LARGE1: variants seen among roughly 807,000 people sequenced by gnomAD.
LARGE1 encodes the protein xylosyl- and glucuronyltransferase LARGE1.
In LARGE1, 43 loss-of-function variants were observed where a neutral mutation model predicts 87.6. The ratio of observed to expected loss-of-function variants is 0.49; its 90% confidence interval spans 0.38 to 0.63. The LOEUF (loss-of-function observed/expected upper bound fraction) is 0.63. Among genes scored for constraint, LARGE1 ranks in the 30% least tolerant of loss-of-function variants. The pLI, the probability that LARGE1 is intolerant of heterozygous loss-of-function variation, is 0.00. For synonymous variants in LARGE1, 434 were observed against 394.6 expected (o/e 1.10, Z -1.18); for missense variants, 802 against 1,000.2 (o/e 0.80, Z 2.67).
chr22:33,251,307 T>G (rs1394818114), intron 11 of LARGE1, among the ~76,000 whole-genome samples: 1 of 152,248 alleles, frequency 6.6e-6, no homozygotes, highest in Non-Finnish European at 1.5e-5. Flanking sequence ...GCTCTTTCTC[T>G]GTGGAGGGAG....
At chr22:33,607,985 C>T (rs959059221) in intron 4 of LARGE1, among the ~76,000 whole-genome samples, 4 of 152,116 alleles carry the variant, frequency 2.6e-5, no homozygotes, top group African/African-American at 9.7e-5. Flanking sequence ...CTTGGTGATG[C>T]TTGGTGGCAT....
chr22:33,494,548 A>C (rs2070010116), intron 6 of LARGE1, among the ~76,000 whole-genome samples: 1 of 152,208 alleles, frequency 6.6e-6, no homozygotes, highest in Admixed American at 6.5e-5. Flanking sequence ...AATTGGTTAG[A>C]TCCATAGCAT....
chr22:33,509,369 T>G lies in LARGE1; in HGVS notation c.787+55479A>C, dbSNP rs79151069. Among the ~76,000 whole-genome samples the G allele has an allele frequency of 3.1e-3, 467 of 152,268 alleles. 4 individuals are homozygous for G. The highest frequency in any genetic ancestry group is 0.019 in the South Asian group (90 of 4,826). On this transcript the variant is annotated intron_variant, in intron 6 of 14. Coordinates refer to ENST00000397394, the MANE Select transcript of LARGE1 (RefSeq NM_133642.5). The stretch of plus-strand genomic sequence containing the variant: ...AATGGAGGCAGTGCAACAAAAACAA[T>G]TGTCTTGGAGGTCCCAAGCACACAT...
In LARGE1 at chr22:33,278,810, C is replaced by T. The variant is rs185929303; in HGVS notation, c.1878-1555G>A. Among the ~76,000 whole-genome samples, 553 of 152,274 alleles carry T rather than the reference C, an allele frequency of 3.6e-3. 5 individuals carry two copies. The highest frequency in any genetic ancestry group is 0.011 in the Admixed American group (161 of 15,302). ...TCTTGGCTCACTGCAACCTCTGCCT[C>T]CCCGGTTCAAGCGATTCTCCTGCCT... is the stretch of plus-strand genomic sequence containing the variant. On this transcript the variant is annotated intron_variant, in intron 13 of 14. Coordinates refer to ENST00000397394, the MANE Select transcript of LARGE1 (RefSeq NM_133642.5).
intron 11 of LARGE1, among the ~76,000 whole-genome samples, chr22:33,255,215 G>T (rs573925286): frequency 6.6e-6 from 1 of 152,320 alleles, no homozygotes; most frequent in Non-Finnish European, 1.5e-5. Context: ...TGGGAATACA[G>T]GCGTGAGCCA....
At chr22:33,337,846 T>C in intron 9 of LARGE1, 45 bp from the exon 10 acceptor site, 1 of 1,601,318 alleles carries the variant, frequency 6.2e-7, no homozygotes, top group Non-Finnish European at 8.5e-7. Flanking sequence ...AGGGGTGGGG[T>C]GGGGATCCCT....
chr22:33,906,054 T>C (rs1041056098), intron 1 of LARGE1, among the ~76,000 whole-genome samples: 6 of 152,080 alleles, frequency 3.9e-5, no homozygotes, highest in Non-Finnish European at 7.4e-5. Flanking sequence ...TGCTTAAACC[T>C]GGGAGGCGGA....
At chr22:33,820,430 T>G (rs1242344330) in intron 1 of LARGE1, among the ~76,000 whole-genome samples, 3 of 151,968 alleles carry the variant, frequency 2.0e-5, no homozygotes, top group African/African-American at 7.3e-5. Context: ...CAACAGATCC[T>G]CCCACCTTAG....
chr22:33,869,707 T>C (rs1426693355), intron 1 of LARGE1, among the ~76,000 whole-genome samples: 1 of 152,190 alleles, frequency 6.6e-6, no homozygotes, highest in African/African-American at 2.4e-5. Flanking sequence ...GAGGTGGTTC[T>C]CCTTTCTCCC....
chr22:33,611,031 G>C (rs891986711), intron 4 of LARGE1, among the ~76,000 whole-genome samples: 4 of 152,232 alleles, frequency 2.6e-5, no homozygotes, highest in Admixed American at 2.6e-4. Flanking sequence ...GCCTCTACCA[G>C]ATTTCAGAGA....
At chr22:33,236,322 G>C (rs1926249890) in intron 11 of LARGE1, among the ~76,000 whole-genome samples, 1 of 152,174 alleles carries the variant, frequency 6.6e-6, no homozygotes, top group Admixed American at 6.5e-5. Flanking sequence ...AATGATGAGA[G>C]ATAGTGGTGC....
intron 2 of LARGE1, among the ~76,000 whole-genome samples, chr22:33,746,175 G>C (rs552913744): frequency 5.8e-4 from 88 of 152,300 alleles, no homozygotes; most frequent in Middle Eastern, 3.4e-3. Context: ...CCGGGAGGCA[G>C]AGCTTGCAGT....
At chr22:33,195,902 C>T (rs150775331) in intron 11 of LARGE1, among the ~76,000 whole-genome samples, 4,553 of 151,390 alleles carry the variant, frequency 0.03, 95 homozygotes, top group Admixed American at 0.056. Flanking sequence ...CTACAGGCGC[C>T]CGCCACCACG....
At chr22:33,903,255 G>A (rs2065336874) in intron 1 of LARGE1, among the ~76,000 whole-genome samples, 1 of 152,198 alleles carries the variant, frequency 6.6e-6, no homozygotes, top group Non-Finnish European at 1.5e-5. Flanking sequence ...GAGACCATAT[G>A]AAAACAGCAG....
At chr22:33,583,330 C>T (rs2078575714) in intron 5 of LARGE1, among the ~76,000 whole-genome samples, 1 of 152,210 alleles carries the variant, frequency 6.6e-6, no homozygotes, top group Non-Finnish European at 1.5e-5. Flanking sequence ...TTCACCAAAA[C>T]ACCTTCTTTT....
chr22:33,685,147 T>C (rs967218257), intron 2 of LARGE1, among the ~76,000 whole-genome samples: 17 of 152,174 alleles, frequency 1.1e-4, no homozygotes, highest in Admixed American at 1.1e-3. Flanking sequence ...AGCTGGCATA[T>C]GCCCTGGAGA....
intron 1 of LARGE1, among the ~76,000 whole-genome samples, chr22:33,829,279 G>A (rs2062896991): frequency 6.6e-6 from 1 of 152,036 alleles, no homozygotes. Context: ...AAAGGGCTGG[G>A]ATTACAGGTG....
intron 11 of LARGE1, among the ~76,000 whole-genome samples, chr22:33,225,085 T>C (rs1925665057): frequency 1.3e-5 from 2 of 152,278 alleles, no homozygotes; most frequent in South Asian, 2.1e-4. Context: ...AAATGGCTCA[T>C]TGAGAAAGCC....
chr22:33,522,097 C>T (rs1182795859), intron 6 of LARGE1, among the ~76,000 whole-genome samples: 1 of 152,188 alleles, frequency 6.6e-6, no homozygotes, highest in African/African-American at 2.4e-5. Flanking sequence ...GAGGGATCCG[C>T]TCCCTTGACC....
Sources: gnomAD v4.1 joint callset for allele counts (sites outside exome capture counted in the v4.1 genomes callset) on GRCh38, gnomAD v4.1.1 for gene constraint, MANE v1.5 for transcripts, NCBI Gene and HGNC (gene_info 2026-07-23, HGNC 2026-07-21) for gene names.